DAPK2: variants seen among roughly 807,000 people sequenced by gnomAD.
DAPK2 encodes death associated protein kinase 2, also known as death-associated protein kinase 2.
Under a neutral mutation model 44.1 loss-of-function variants are expected in DAPK2, and 35 were observed. The observed-to-expected ratio is 0.79, with a 90% confidence interval of 0.61 to 1.05. The LOEUF (loss-of-function observed/expected upper bound fraction) is 1.05, where lower values mean the gene tolerates loss of function less well. Ranked by LOEUF, DAPK2 falls within the 50% of genes least tolerant of loss-of-function variation. DAPK2 has a pLI of 0.00. For missense variants in DAPK2, 453 were observed against 483.2 expected (o/e 0.94, Z 0.59); for synonymous variants, 174 against 182.6 (o/e 0.95, Z 0.38).
chr15:63,924,809 C>A lies in DAPK2; in HGVS notation c.858+7G>T. On this transcript the variant is annotated splice_region_variant and intron_variant, in intron 8 of 10. Transcript: ENST00000261891. Reference sequence around the variant, plus strand: ...TTGCCCATTGGAACTCATGGCTGTGCCCTTACCGTGATCCAGGGGTGTCTG... The same window carrying A: ...TTGCCCATTGGAACTCATGGCTGTGACCTTACCGTGATCCAGGGGTGTCTG... 6.2e-7 allele frequency: 1 copy of A among 1,614,096 alleles called. No individual in the cohort carries two copies. Among genetic ancestry groups the A allele is most frequent in the Non-Finnish European group, 8.5e-7 (1 of 1,179,972 alleles).
intron 4 of DAPK2, among the ~76,000 whole-genome samples, chr15:63,932,862 AT>A (rs2077012619): frequency 6.6e-6 from 1 of 152,162 alleles, no homozygotes; most frequent in Non-Finnish European, 1.5e-5. Context: ...TTCACTGAAC[AT>A]TTATGCTTCT....
chr15:64,032,022 G>T (rs2080030604), intron 1 of DAPK2, among the ~76,000 whole-genome samples: 1 of 152,192 alleles, frequency 6.6e-6, no homozygotes, highest in Admixed American at 6.5e-5. Flanking sequence ...GATCCCAGAT[G>T]CTCTGCAGTT....
At chr15:64,028,722 G>A (rs1025302129) in intron 1 of DAPK2, among the ~76,000 whole-genome samples, 5 of 152,018 alleles carry the variant, frequency 3.3e-5, no homozygotes, top group Non-Finnish European at 7.4e-5. Flanking sequence ...ATTCTCAAAT[G>A]GTTCAGAAAC....
chr15:64,023,181 G>A (rs1379576047), intron 1 of DAPK2, among the ~76,000 whole-genome samples: 2 of 152,198 alleles, frequency 1.3e-5, no homozygotes, highest in African/African-American at 4.8e-5. Context: ...TGACAGCAGG[G>A]ATATCCACAA....
At chr15:64,036,353 AT>A (rs1253980981) in intron 1 of DAPK2, among the ~76,000 whole-genome samples, 1 of 138,354 alleles carries the variant, frequency 7.2e-6, no homozygotes, top group Non-Finnish European at 1.5e-5. Context: ...ATATATATAT[AT>A]TTTAGTTAAG....
intron 3 of DAPK2, among the ~76,000 whole-genome samples, chr15:63,959,974 C>T (rs545435515): frequency 3.9e-5 from 6 of 152,280 alleles, no homozygotes; most frequent in Middle Eastern, 3.4e-3. Flanking sequence ...GCTGTGAATC[C>T]GTCTGGTCCT....
chr15:63,942,207 C>T, intron 3 of DAPK2: 8 of 985,378 alleles, frequency 8.1e-6, no homozygotes, highest in Non-Finnish European at 9.6e-6. Context: ...CACAGGCTCA[C>T]CTCTGTGGCA....
intron 2 of DAPK2, among the ~76,000 whole-genome samples, chr15:63,975,890 G>A (rs889145290): frequency 6.6e-6 from 1 of 152,118 alleles, no homozygotes; most frequent in East Asian, 1.9e-4. Context: ...CATTGCGCTC[G>A]GCTCCAGATG....
intron 2 of DAPK2, among the ~76,000 whole-genome samples, chr15:63,982,452 T>A (rs2078547810): frequency 6.6e-6 from 1 of 152,052 alleles, no homozygotes; most frequent in Non-Finnish European, 1.5e-5. Context: ...CCTCCCAAAG[T>A]GCTAGGATTA....
chr15:64,010,390 ACAACAG>A (rs1341038614), intron 1 of DAPK2, among the ~76,000 whole-genome samples: 2 of 152,200 alleles, frequency 1.3e-5, no homozygotes, highest in African/African-American at 4.8e-5. Context: ...TAATAATATA[ACAACAG>A]TATTGACTGC....
chr15:64,032,606 G>A (rs900674056), intron 1 of DAPK2, among the ~76,000 whole-genome samples: 1 of 152,148 alleles, frequency 6.6e-6, no homozygotes, highest in Non-Finnish European at 1.5e-5. Flanking sequence ...CAAAGAGCAG[G>A]AAGTCTGTGG....
chr15:63,991,333 C>A (rs974739127), intron 1 of DAPK2: 1 of 456,018 alleles, frequency 2.2e-6, no homozygotes, highest in East Asian at 6.9e-5. Flanking sequence ...TCTGGAACAA[C>A]AGAATGCCAG....
At chr15:63,926,048 T>C in exon 7 of DAPK2, 1 of 1,613,844 alleles carries the variant, frequency 6.2e-7, no homozygotes, top group African/African-American at 1.3e-5. Context: ...TATTTGCCAG[T>C]GTTTCCTGCT....
intron 1 of DAPK2, among the ~76,000 whole-genome samples, chr15:64,007,180 G>C (rs2141000116): frequency 6.6e-6 from 1 of 151,912 alleles, no homozygotes; most frequent in Middle Eastern, 3.4e-3. Flanking sequence ...ATCCTGGCTG[G>C]TCCTGAACTC....
chr15:64,033,973 C>A (rs2141166498), intron 1 of DAPK2, among the ~76,000 whole-genome samples: 1 of 151,816 alleles, frequency 6.6e-6, no homozygotes, highest in South Asian at 2.1e-4. Flanking sequence ...GTGTGAGACT[C>A]AGCGAGAGGG....
upstream of DAPK2, among the ~76,000 whole-genome samples, chr15:64,041,303 C>G (rs1377227329): frequency 1.3e-5 from 2 of 152,190 alleles, no homozygotes; most frequent in Non-Finnish European, 2.9e-5. Context: ...GTCAGAAGGG[C>G]CTCAGTGTCC....
chr15:63,939,136 G>T lies in DAPK2; in HGVS notation c.583+96C>A. 6.4e-7 allele frequency: 1 copy of T among 1,551,636 alleles called. No individual in the cohort carries two copies. On this transcript the variant is annotated intron_variant, in intron 4 of 10. Transcript: ENST00000261891. This position sits in a 1 kb window ranked among gnomAD's most constrained non-coding sequence, Gnocchi z 4.3. ...AGATGTCCCAATGCATCATCTCTTT[G>T]CTCAGAGGCCATAGCCCCAGACACA... is the stretch of plus-strand genomic sequence containing the variant.
In DAPK2 at chr15:64,020,791, T is replaced by A. The variant is rs2079659363; in HGVS notation, c.92+19379A>T. 6.6e-6 allele frequency among the ~76,000 whole-genome samples: 1 copy of A among 152,180 alleles called. No homozygotes were observed. The highest frequency in any genetic ancestry group is 2.1e-4 in the South Asian group (1 of 4,832). On this transcript the variant is annotated intron_variant, in intron 1 of 10. Transcript: ENST00000261891. This position sits in a 1 kb window ranked among gnomAD's most constrained non-coding sequence, Gnocchi z 4.5. ...AAGGAATAAATCAAAAGGGAAAGGA[T>A]AGGTAACTTGGTGTGATACCAAATG...
intron 1 of DAPK2, among the ~76,000 whole-genome samples, chr15:64,010,438 G>C (rs1322848052): frequency 1.3e-5 from 2 of 152,186 alleles, no homozygotes; most frequent in East Asian, 3.8e-4. Context: ...CCCAACTACA[G>C]TTTTCAGGAG....
Sources: gnomAD v4.1 joint callset for allele counts (sites outside exome capture counted in the v4.1 genomes callset) on GRCh38, gnomAD v4.1.1 for gene constraint, Gnocchi (gnomAD v3.1) non-coding constraint, MANE v1.5 for transcripts, NCBI Gene and HGNC (gene_info 2026-07-23, HGNC 2026-07-21) for gene names.